The following STAB2 variants were observed in gnomAD, a reference collection of about 807,000 sequenced individuals.
STAB2 encodes the protein stabilin 2.
Under a neutral mutation model 338.1 loss-of-function variants are expected in STAB2, and 288 were observed. That is an observed-to-expected ratio of 0.85 (90% CI 0.77 to 0.94). The LOEUF (loss-of-function observed/expected upper bound fraction) is 0.94, where lower values mean the gene tolerates loss of function less well. Ranked by LOEUF, STAB2 falls within the 40% of genes least tolerant of loss-of-function variation. STAB2 has a pLI of 0.00. For synonymous variants in STAB2, 1,202 were observed against 1,193.3 expected (o/e 1.01, Z -0.15); for missense variants, 3,141 against 3,210.1 (o/e 0.98, Z 0.52).
At chr12:103,663,599 C>T (rs563970338) in intron 18 of STAB2, among the ~76,000 whole-genome samples, 2 of 152,252 alleles carry the variant, frequency 1.3e-5, no homozygotes, top group South Asian at 2.1e-4. Context: ...CCTCTCATCT[C>T]GGCCTCCCAA....
intron 5 of STAB2, among the ~76,000 whole-genome samples, chr12:103,630,034 A>G (rs958250710): frequency 1.1e-4 from 16 of 152,214 alleles, no homozygotes; most frequent in Non-Finnish European, 1.8e-4. Flanking sequence ...GCCATTGTTT[A>G]CCAAACTGAG....
intron 33 of STAB2, 137 bp downstream of exon 33, chr12:103,695,981 A>AGACT (rs1403169357): frequency 1.2e-6 from 1 of 806,842 alleles, no homozygotes; most frequent in Admixed American, 2.1e-5. Context: ...ACTGGTGCAG[A>AGACT]GACTCTCTCA....
chr12:103,745,306 C>A, intron 57 of STAB2, 29 bp downstream of exon 57: 10 of 1,600,024 alleles, frequency 6.2e-6, no homozygotes, highest in Non-Finnish European at 7.7e-6. Flanking sequence ...CAGCTGCTGG[C>A]AGCCCAGGGC....
At chr12:103,621,970 G>A (rs1593151739) in intron 4 of STAB2, 72 bp from the exon 5 acceptor site, 1 of 1,433,634 alleles carries the variant, frequency 7.0e-7, no homozygotes, top group East Asian at 2.3e-5. Context: ...ATGCTGAGTT[G>A]GAAATCCAAG....
At chr12:103,671,872 A>G (rs1401075867) in intron 22 of STAB2, among the ~76,000 whole-genome samples, 3 of 152,230 alleles carry the variant, frequency 2.0e-5, no homozygotes, top group African/African-American at 7.2e-5. Flanking sequence ...ATATATTTAA[A>G]TAAGCATATG....
intron 1 of STAB2, among the ~76,000 whole-genome samples, chr12:103,590,206 T>C (rs1956775001): frequency 6.6e-6 from 1 of 152,210 alleles, no homozygotes; most frequent in African/African-American, 2.4e-5. Flanking sequence ...CTTATGTTGC[T>C]AAATAACTGT....
intron 6 of STAB2, among the ~76,000 whole-genome samples, chr12:103,636,781 A>G (rs1354251956): frequency 1.3e-5 from 2 of 152,184 alleles, no homozygotes; most frequent in African/African-American, 4.8e-5. Flanking sequence ...TTGAAATACT[A>G]TGCAGTTACT....
chr12:103,730,408 GAAAT>G (rs1446240356), intron 49 of STAB2, 152 bp downstream of exon 49: 14 of 930,640 alleles, frequency 1.5e-5, no homozygotes, highest in Non-Finnish European at 1.9e-5. Context: ...TTCTTAGTAA[GAAAT>G]AAATAAGTAA....
intron 63 of STAB2, among the ~76,000 whole-genome samples, chr12:103,757,153 ATC>A (rs1483345512): frequency 6.6e-6 from 1 of 151,418 alleles, no homozygotes; most frequent in Admixed American, 6.6e-5. Context: ...CAGTGGCATG[ATC>A]TCGGCTCATG....
Position 103,727,322 on chromosome 12 carries a change from T to C in STAB2, c.4907T>C (p.Leu1636Ser), listed in dbSNP as rs780165928. The change falls in exon 47 of 69, where the codon TTA becomes TCA. Residue 1636 changes from leucine (L) to serine (S), a missense_variant. By Grantham distance (145) the Leu-to-Ser change is moderately radical. Coordinates refer to ENST00000388887, the MANE Select transcript of STAB2 (RefSeq NM_017564.10). ...GPGPFTVFAP[L>S]SAAFDEEARV... ...GGCCCCTTCACTGTTTTTGCACCTT[T>C]ATCTGCAGCCTTTGATGAGGAAGCT... 6.2e-7 allele frequency: 1 copy of C among 1,614,254 alleles called. No individual in the cohort carries two copies. The highest frequency in any genetic ancestry group is 8.5e-7 in the Non-Finnish European group (1 of 1,180,036).
intron 3 of STAB2, among the ~76,000 whole-genome samples, chr12:103,620,121 G>A (rs977432431): frequency 1.1e-3 from 164 of 152,310 alleles, no homozygotes; most frequent in Non-Finnish European, 1.3e-4. Context: ...CCTTGGGTGA[G>A]TATATGCAAC....
rs1956724523 is a variant in STAB2, at chr12:103,587,280, C to G, written c.-197C>G. On this transcript the variant is annotated 5_prime_UTR_variant, in exon 1 of 69. Coordinates refer to ENST00000388887, the MANE Select transcript of STAB2 (RefSeq NM_017564.10). ...TTTACAGTGGCCAATTTCACCAAGA[C>G]TCCTGGATTTGCCATTTTTCCTTTC... 1.7e-6 allele frequency: 1 copy of G among 585,440 alleles called. No homozygotes were observed. The highest frequency in any genetic ancestry group is 2.1e-5 in the South Asian group (1 of 48,668). The allele number at this position is 585,440 out of a possible 1,614,324, so 36.3% of individuals were successfully genotyped here. A position where few individuals can be genotyped will look rare whatever the true frequency, so the allele number is the denominator to read the frequency against.
chr12:103,749,140 G>T lies in STAB2; in HGVS notation c.6422G>T (p.Cys2141Phe). The change falls in exon 59 of 69, where the codon TGT becomes TTT. Residue 2141 changes from cysteine (C) to phenylalanine (F), a missense_variant. Cys to Phe is a radical substitution (Grantham distance 205). Transcript: ENST00000388887. ...LNGGCHEHAT[C>F]KMTGPGKHKC... is the part of the protein sequence containing the mutation. ...GGAGGGTGTCACGAGCACGCCACCT[G>T]TAAGATGACAGGCCCGGTGAGTCGC... 6.2e-7 allele frequency: 1 copy of T among 1,604,108 alleles called. No homozygotes were observed. Among genetic ancestry groups the T allele is most frequent in the Non-Finnish European group, 8.5e-7 (1 of 1,172,330 alleles).
intron 58 of STAB2, among the ~76,000 whole-genome samples, chr12:103,748,621 C>T (rs868382739): frequency 0.057 from 2,862 of 50,106 alleles, 29 homozygotes; most frequent in African/African-American, 0.074. Context: ...CACACACACA[C>T]ACACACACAC....
chr12:103,690,668 G>A (rs1877857580), intron 30 of STAB2, 130 bp downstream of exon 30: 4 of 693,300 alleles, frequency 5.8e-6, no homozygotes, highest in Non-Finnish European at 9.7e-6. Flanking sequence ...CCCTCATGTG[G>A]GCATCACCCA....
At position 103,699,193 on chromosome 12, in the gene STAB2, C is replaced by T; in HGVS notation, c.3680C>T (p.Ser1227Phe). 1 of 1,613,058 alleles carries T rather than the reference C, an allele frequency of 6.2e-7. No homozygotes were observed. Among genetic ancestry groups the T allele is most frequent in the Non-Finnish European group, 8.5e-7 (1 of 1,179,292 alleles). The change falls in exon 34 of 69, where the codon TCC becomes TTC. Residue 1227 changes from serine to phenylalanine, a missense_variant. Ser to Phe is a radical substitution (Grantham distance 155, BLOSUM62 -2). Transcript: ENST00000388887. ...GMHRETMLGF[S>F]YFLSFFLHND... ...CATCGTGAGACCATGCTGGGTTTCTCCTATTTCCTTAGCTTCTTTCTCCAT... is the reference window on the plus strand; with the variant it reads ...CATCGTGAGACCATGCTGGGTTTCTTCTATTTCCTTAGCTTCTTTCTCCAT...
chr12:103,683,598 A>G (rs779561998), intron 26 of STAB2, among the ~76,000 whole-genome samples: 9 of 152,198 alleles, frequency 5.9e-5, no homozygotes, highest in Non-Finnish European at 1.2e-4. Context: ...TAAACTTATA[A>G]TTACTCATTT....
At chr12:103,623,072 C>CT (rs2138639349) in intron 5 of STAB2, among the ~76,000 whole-genome samples, 1 of 152,230 alleles carries the variant, frequency 6.6e-6, no homozygotes, top group South Asian at 2.1e-4. Flanking sequence ...ATTTGAGTAA[C>CT]AAGTAGTTAG....
intron 66 of STAB2, among the ~76,000 whole-genome samples, chr12:103,761,864 T>C (rs542874095): frequency 3.3e-5 from 5 of 152,178 alleles, no homozygotes; most frequent in Admixed American, 2.6e-4. Flanking sequence ...TATATAAAAG[T>C]TGGTGATGGT....
Sources: allele counts gnomAD v4.1 joint callset (sites outside exome capture counted in the v4.1 genomes callset), GRCh38; gene constraint gnomAD v4.1.1; transcripts MANE v1.5; gene names NCBI Gene and HGNC (gene_info 2026-07-23, HGNC 2026-07-21).